Variants in KLHL32 observed in about 807,000 individuals in gnomAD.
The protein encoded by KLHL32 is kelch-like protein 32.
A neutral mutation model predicts 64.8 loss-of-function variants in KLHL32; 35 were observed. The ratio of observed to expected loss-of-function variants is 0.54; its 90% confidence interval spans 0.41 to 0.72. The LOEUF (loss-of-function observed/expected upper bound fraction) is 0.72, where lower values mean the gene tolerates loss of function less well. Among genes scored for constraint, KLHL32 ranks in the 30% least tolerant of loss-of-function variants. The probability of loss-of-function intolerance (pLI) is 0.00; values close to 1 mark genes in which losing one functional copy is unlikely to be tolerated. For synonymous variants in KLHL32, 259 were observed against 281.0 expected (o/e 0.92, Z 0.78); for missense variants, 589 against 768.5 (o/e 0.77, Z 2.76).
At chr6:97,036,795 GC>G (rs1369081581) in intron 3 of KLHL32, among the ~76,000 whole-genome samples, 5 of 152,156 alleles carry the variant, frequency 3.3e-5, no homozygotes, top group African/African-American at 1.2e-4. Context: ...TGCCAGAGTG[GC>G]CCCCTCCAGC....
At chr6:97,041,679 T>C in intron 4 of KLHL32, 80 bp downstream of exon 4, 1 of 798,682 alleles carries the variant, frequency 1.3e-6, no homozygotes. Flanking sequence ...AGGTATGAGA[T>C]TTAGTTATTG....
chr6:96,982,444 T>A (rs1398325626), intron 3 of KLHL32, among the ~76,000 whole-genome samples: 1 of 152,294 alleles, frequency 6.6e-6, no homozygotes, highest in Middle Eastern at 3.4e-3. Flanking sequence ...TTGGGGGTCA[T>A]TGCATGTGAG....
intron 1 of KLHL32, among the ~76,000 whole-genome samples, chr6:96,957,842 T>C (rs1773442189): frequency 6.6e-6 from 1 of 152,240 alleles, no homozygotes; most frequent in Non-Finnish European, 1.5e-5. Flanking sequence ...AAGAAACTTT[T>C]ATTATTTAAT....
chr6:97,078,459 A>C (rs556078428), intron 5 of KLHL32, among the ~76,000 whole-genome samples: 1 of 152,358 alleles, frequency 6.6e-6, no homozygotes, highest in Non-Finnish European at 1.5e-5. Flanking sequence ...GAAACAAAGC[A>C]TTGTTAAAAT....
chr6:96,969,179 A>G (rs1774838378), intron 2 of KLHL32, among the ~76,000 whole-genome samples: 1 of 152,140 alleles, frequency 6.6e-6, no homozygotes, highest in South Asian at 2.1e-4. Flanking sequence ...CAATCTGCTT[A>G]TCTCCAAAGA....
At chr6:96,901,050 T>G in the KLHL32 span, among the ~76,000 whole-genome samples, 1 of 152,194 alleles carries the variant, frequency 6.6e-6, no homozygotes, top group Non-Finnish European at 1.5e-5. Flanking sequence ...CTAGGCTTTG[T>G]GCAGATCCAG....
At chr6:97,009,571 T>C (rs1780110031) in intron 3 of KLHL32, among the ~76,000 whole-genome samples, 1 of 152,232 alleles carries the variant, frequency 6.6e-6, no homozygotes, top group Admixed American at 6.5e-5. Context: ...GTTCCTTTGC[T>C]TTGTATATTG....
chr6:96,924,325 G>T (rs1344033331), upstream of KLHL32, among the ~76,000 whole-genome samples: 1 of 152,086 alleles, frequency 6.6e-6, no homozygotes, highest in African/African-American at 2.4e-5. Context: ...TGGGTTCCCG[G>T]GTCTCAGTCG....
chr6:97,101,885 G>A (rs1795769432), intron 6 of KLHL32, among the ~76,000 whole-genome samples: 1 of 152,132 alleles, frequency 6.6e-6, no homozygotes, highest in Admixed American at 6.5e-5. Context: ...CATAAAAATG[G>A]TCTGCATGTG....
intron 6 of KLHL32, among the ~76,000 whole-genome samples, chr6:97,094,354 AT>A (rs1794673860): frequency 6.6e-6 from 1 of 152,200 alleles, no homozygotes; most frequent in African/African-American, 2.4e-5. Context: ...CTCAACATTT[AT>A]TGTTGAATAC....
At chr6:96,928,431 G>GATGC (rs1177915642) in intron 1 of KLHL32, among the ~76,000 whole-genome samples, 1 of 152,188 alleles carries the variant, frequency 6.6e-6, no homozygotes, top group African/African-American at 2.4e-5. Context: ...TGCAGCAGAG[G>GATGC]ATGCAACTGC....
intron 3 of KLHL32, among the ~76,000 whole-genome samples, chr6:96,998,922 G>C (rs1449164811): frequency 6.6e-6 from 1 of 152,060 alleles, no homozygotes; most frequent in African/African-American, 2.4e-5. Flanking sequence ...TATAAAATCT[G>C]TTTATAGAAA....
chr6:97,065,351 A>G (rs1789574885), intron 5 of KLHL32, among the ~76,000 whole-genome samples: 1 of 152,238 alleles, frequency 6.6e-6, no homozygotes, highest in South Asian at 2.1e-4. Flanking sequence ...CCATTTTTAT[A>G]GATCTAAAAC....
chr6:97,084,579 C>T (rs1793101098), intron 5 of KLHL32, among the ~76,000 whole-genome samples: 1 of 152,206 alleles, frequency 6.6e-6, no homozygotes, highest in Non-Finnish European at 1.5e-5. Flanking sequence ...GAGATTTCCT[C>T]ATTTCCTGAG....
At chr6:96,931,584 A>G (rs1769896235) in intron 1 of KLHL32, among the ~76,000 whole-genome samples, 1 of 152,204 alleles carries the variant, frequency 6.6e-6, no homozygotes, top group African/African-American at 2.4e-5. Flanking sequence ...ATATATTTCA[A>G]TATTTCTAAA....
intron 3 of KLHL32, among the ~76,000 whole-genome samples, chr6:97,004,468 T>A (rs1779417782): frequency 6.6e-6 from 1 of 152,200 alleles, no homozygotes; most frequent in South Asian, 2.1e-4. Context: ...TGCCTTTCAT[T>A]TCTTTCTATT....
chr6:96,903,251 T>G, the KLHL32 span, among the ~76,000 whole-genome samples: 1 of 151,574 alleles, frequency 6.6e-6, no homozygotes, highest in African/African-American at 2.4e-5. Context: ...TTTTTTAAAT[T>G]GAAAGAAAAT....
intron 3 of KLHL32, among the ~76,000 whole-genome samples, chr6:97,006,207 A>C (rs1477454787): frequency 6.6e-6 from 1 of 152,178 alleles, no homozygotes. Flanking sequence ...AGGTGCATAC[A>C]TATTTAGGAT....
chr6:96,961,474 CT>C (rs1262872975), intron 1 of KLHL32, among the ~76,000 whole-genome samples: 20 of 152,186 alleles, frequency 1.3e-4, no homozygotes, highest in Non-Finnish European at 2.9e-4. Flanking sequence ...AGGACACTTA[CT>C]TTTTTCCTAC....
Sources: allele counts gnomAD v4.1 joint callset (sites outside exome capture counted in the v4.1 genomes callset), GRCh38; gene constraint gnomAD v4.1.1; transcripts MANE v1.5; gene names NCBI Gene and HGNC (gene_info 2026-07-23, HGNC 2026-07-21).